Variants in DNAL1 observed in about 807,000 individuals in gnomAD.
The protein encoded by DNAL1 is dynein axonemal light chain 1, also known as chromosome 14 open reading frame 168.
DNAL1 carries 17 observed loss-of-function variants against 29.4 expected under a neutral mutation model. That is an observed-to-expected ratio of 0.58 (90% CI 0.40 to 0.87). DNAL1 has a LOEUF of 0.87. Ranked by LOEUF, DNAL1 falls within the 40% of genes least tolerant of loss-of-function variation. DNAL1 has a pLI of 0.00. For missense variants in DNAL1, 188 were observed against 214.1 expected, an observed-to-expected ratio of 0.88 and a Z score of 0.76; for synonymous variants, 78 against 76.3, an observed-to-expected ratio of 1.02 and a Z score of -0.12.
At chr14:73,691,289 C>T (rs1892165760) in intron 7 of DNAL1, among the ~76,000 whole-genome samples, 1 of 152,168 alleles carries the variant, frequency 6.6e-6, no homozygotes, top group Non-Finnish European at 1.5e-5. Flanking sequence ...GTGGCTCACA[C>T]CTGTAATCCT....
At chr14:73,674,016 G>A (rs1346912265) in intron 5 of DNAL1, among the ~76,000 whole-genome samples, 1 of 151,400 alleles carries the variant, frequency 6.6e-6, no homozygotes, top group Non-Finnish European at 1.5e-5. Flanking sequence ...AGCTGTCTCA[G>A]TAAATTAAAA....
intron 2 of DNAL1, among the ~76,000 whole-genome samples, chr14:73,656,551 G>A (rs1326109622): frequency 6.6e-6 from 1 of 151,798 alleles, no homozygotes. Flanking sequence ...GAGTAGCTGG[G>A]ACTACAGGTG....
chr14:73,683,898 G>A (rs578172888), intron 5 of DNAL1, among the ~76,000 whole-genome samples: 12 of 151,882 alleles, frequency 7.9e-5, no homozygotes, highest in Non-Finnish European at 1.6e-4. Context: ...GTAGAGACGG[G>A]GTTTCACCAT....
intron 4 of DNAL1, among the ~76,000 whole-genome samples, chr14:73,663,226 G>A (rs1161456614): frequency 2.5e-5 from 3 of 117,952 alleles, no homozygotes; most frequent in African/African-American, 6.9e-5. Flanking sequence ...TTTTTTTTGA[G>A]ATGGAGTCTC....
chr14:73,679,463 G>A (rs1164587108), intron 5 of DNAL1, among the ~76,000 whole-genome samples: 1 of 152,090 alleles, frequency 6.6e-6, no homozygotes, highest in Admixed American at 6.6e-5. Context: ...CAACCTAAGT[G>A]TTCACTGAGA....
chr14:73,656,167 G>T (rs1001057603), intron 2 of DNAL1, among the ~76,000 whole-genome samples: 1 of 151,980 alleles, frequency 6.6e-6, no homozygotes, highest in African/African-American at 2.4e-5. Flanking sequence ...GACAAAAGTC[G>T]ATAAAATAAT....
chr14:73,661,673 A>T (rs1247544601), intron 3 of DNAL1, among the ~76,000 whole-genome samples: 1 of 152,100 alleles, frequency 6.6e-6, no homozygotes, highest in Non-Finnish European at 1.5e-5. Context: ...TGAACCGGGG[A>T]GGTGGAAGTT....
At chr14:73,681,633 A>AATATATATATATAT (rs71112793) in intron 5 of DNAL1, among the ~76,000 whole-genome samples, 383 of 35,076 alleles carry the variant, frequency 0.011, no homozygotes, top group African/African-American at 0.02. Flanking sequence ...AAAAAAAAAA[A>AATATATATATATAT]ATATATATAT....
At chr14:73,680,425 A>AT (rs1285985141) in intron 5 of DNAL1, among the ~76,000 whole-genome samples, 1 of 152,158 alleles carries the variant, frequency 6.6e-6, no homozygotes, top group African/African-American at 2.4e-5. Flanking sequence ...ACGTATTCAT[A>AT]TTTTTTATGT....
chr14:73,675,234 A>C (rs1891704357), intron 5 of DNAL1, among the ~76,000 whole-genome samples: 1 of 149,224 alleles, frequency 6.7e-6, no homozygotes, highest in South Asian at 2.1e-4. Context: ...ACACACACAA[A>C]TCCTAATGAC....
At position 73,695,921 on chromosome 14, in the gene DNAL1, G is replaced by C. The variant is rs754309740; in HGVS notation, c.552G>C (p.Gly184=). Residue 184 remains glycine, a synonymous_variant, in exon 8 of 8, where the codon GGG becomes GGC. Coordinates refer to ENST00000553645, the MANE Select transcript of DNAL1 (RefSeq NM_031427.4). ...KKLDGTPVIK[G]DEEEDN ...TTTTAGGTACTCCAGTAATTAAAGG[G>C]GATGAGGAAGAAGACAACTAATGCC... The C allele has an allele frequency of 3.1e-6, 5 of 1,588,730 alleles. No individual in the cohort carries two copies. The highest frequency in any genetic ancestry group is 3.4e-6 in the Non-Finnish European group (4 of 1,166,248).
Position 73,702,432 on chromosome 14 carries a change from A to C in DNAL1, c.*6490A>C, listed in dbSNP as rs1197734984. 6.6e-6 allele frequency: 1 copy of C among 152,062 alleles called. No homozygotes were observed. The highest frequency in any genetic ancestry group is 1.5e-5 in the Non-Finnish European group (1 of 68,006). 9.4% of individuals were successfully genotyped at this position (152,062 alleles called of 1,614,324 possible). On this transcript the variant is annotated 3_prime_UTR_variant, in exon 8 of 8. Transcript: ENST00000553645. ...GGATTACAGGCACGAGCCACCGCGCACGGCCAGAGGCATTCATTTCTTTAG... is the reference window on the plus strand; with the variant it reads ...GGATTACAGGCACGAGCCACCGCGCCCGGCCAGAGGCATTCATTTCTTTAG...
intron 7 of DNAL1, among the ~76,000 whole-genome samples, chr14:73,690,423 C>T (rs996563910): frequency 3.3e-5 from 5 of 151,820 alleles, no homozygotes; most frequent in African/African-American, 7.3e-5. Context: ...GAGGCCAAGG[C>T]GGGCAGATCA....
intron 4 of DNAL1, among the ~76,000 whole-genome samples, chr14:73,669,092 A>C (rs1049257728): frequency 2.6e-5 from 4 of 151,880 alleles, no homozygotes; most frequent in African/African-American, 9.7e-5. Flanking sequence ...TTTTACCTTA[A>C]TTACCCCTTT....
At chr14:73,664,663 G>C (rs1242464404) in intron 4 of DNAL1, among the ~76,000 whole-genome samples, 1 of 152,052 alleles carries the variant, frequency 6.6e-6, no homozygotes, top group East Asian at 1.9e-4. Context: ...AAGCTTAGGA[G>C]TTCGAGACCA....
At chr14:73,663,250 G>A (rs1206390082) in intron 4 of DNAL1, among the ~76,000 whole-genome samples, 2 of 138,252 alleles carry the variant, frequency 1.4e-5, no homozygotes, top group Non-Finnish European at 3.0e-5. Flanking sequence ...CTGTTGCCCA[G>A]GCTGGATTTC....
In DNAL1 at chr14:73,695,922, G is replaced by A; in HGVS notation, c.553G>A (p.Asp185Asn). Residue 185 changes from aspartate to asparagine, a missense_variant, in exon 8 of 8, where the codon GAT (aspartate) becomes AAT (asparagine). Transcript: ENST00000553645. The stretch of plus-strand genomic sequence containing the variant: ...TTTAGGTACTCCAGTAATTAAAGGG[G>A]ATGAGGAAGAAGACAACTAATGCCA... ...KLDGTPVIKGDEEEDN is the reference protein window; with the variant it reads ...KLDGTPVIKGNEEEDN 6.3e-7 allele frequency: 1 copy of A among 1,589,264 alleles called. No homozygotes were observed. The highest frequency in any genetic ancestry group is 1.3e-5 in the African/African-American group (1 of 74,604).
rs1488635301 is a variant in DNAL1 at position 73,700,173 on chromosome 14, G to A, written c.*4231G>A. The A allele has an allele frequency of 1.3e-5, 2 of 152,182 alleles. No individual in the cohort carries two copies. The highest frequency in any genetic ancestry group is 4.8e-5 in the African/African-American group (2 of 41,448). The allele number at this position is 152,182 out of a possible 1,614,324, so 9.4% of individuals were successfully genotyped here. ...TCGAGGCCAGCCTGGCCAACGTGGT[G>A]AAACCCCATGTCTACCAAAAATATA... is the stretch of plus-strand genomic sequence containing the variant. On this transcript the variant is annotated 3_prime_UTR_variant, in exon 8 of 8. Transcript: ENST00000553645.
chr14:73,674,708 A>G (rs1405736076), intron 5 of DNAL1, among the ~76,000 whole-genome samples: 1 of 152,074 alleles, frequency 6.6e-6, no homozygotes, highest in African/African-American at 2.4e-5. Context: ...TACCAAGCTA[A>G]TATTTTAATT....
Sources: allele counts gnomAD v4.1 joint callset (sites outside exome capture counted in the v4.1 genomes callset), GRCh38; gene constraint gnomAD v4.1.1; transcripts MANE v1.5; gene names NCBI Gene and HGNC (gene_info 2026-07-23, HGNC 2026-07-21).